Variants in COLGALT2 observed in about 807,000 individuals in gnomAD.
COLGALT2 encodes procollagen galactosyltransferase 2.
In COLGALT2, 49 loss-of-function variants were observed where a neutral mutation model predicts 73.4. The ratio of observed to expected loss-of-function variants is 0.67; its 90% CI spans 0.53 to 0.85. COLGALT2 has a LOEUF of 0.85. Ranked by LOEUF, COLGALT2 falls within the 40% of genes least tolerant of loss-of-function variation. The probability of loss-of-function intolerance (pLI) is 0.00; values close to 1 mark genes in which losing one functional copy is unlikely to be tolerated. For synonymous variants in COLGALT2, 295 were observed against 307.6 expected, an observed-to-expected ratio of 0.96 and a Z score of 0.43; for missense variants, 722 against 790.2, an observed-to-expected ratio of 0.91 and a Z score of 1.03.
chr1:183,951,444 G>C (rs898187895), intron 7 of COLGALT2, among the ~76,000 whole-genome samples: 1 of 152,066 alleles, frequency 6.6e-6, no homozygotes, highest in Non-Finnish European at 1.5e-5. Context: ...CCTATGTTTA[G>C]AAAAACCTAA....
chr1:183,976,881 A>G (rs1390589916), intron 2 of COLGALT2, among the ~76,000 whole-genome samples: 3 of 152,344 alleles, frequency 2.0e-5, no homozygotes, highest in African/African-American at 7.2e-5. Context: ...TTTCTATAGT[A>G]GGCATGATTT....
At chr1:184,019,851 C>T (rs190557297) in intron 1 of COLGALT2, among the ~76,000 whole-genome samples, 21 of 152,274 alleles carry the variant, frequency 1.4e-4, no homozygotes, top group Admixed American at 9.2e-4. Flanking sequence ...TATATTTCTG[C>T]ATATGTTTGC....
At chr1:184,005,892 C>T (rs764967641) in intron 1 of COLGALT2, among the ~76,000 whole-genome samples, 14 of 152,204 alleles carry the variant, frequency 9.2e-5, no homozygotes, top group Admixed American at 1.3e-4. Context: ...CAACAGGACC[C>T]GGTGGCAAAT....
chr1:183,989,131 A>G (rs1048581518), intron 1 of COLGALT2, among the ~76,000 whole-genome samples: 1 of 152,182 alleles, frequency 6.6e-6, no homozygotes, highest in African/African-American at 2.4e-5. Flanking sequence ...TTTCTGTTCC[A>G]ATGTAGCAGA....
At chr1:183,990,612 A>C (rs1020287982) in intron 1 of COLGALT2, among the ~76,000 whole-genome samples, 1 of 152,250 alleles carries the variant, frequency 6.6e-6, no homozygotes, top group Non-Finnish European at 1.5e-5. Context: ...GAGGCTTCTC[A>C]AAGGATCAGA....
Position 183,969,253 on chromosome 1 carries a change from C to T in COLGALT2, c.832+16G>A. 6.3e-7 allele frequency: 1 copy of T among 1,598,610 alleles called. No homozygotes were observed. Among genetic ancestry groups the T allele is most frequent in the Non-Finnish European group, 8.5e-7 (1 of 1,171,660 alleles). ...TGTGTCTCCATTGTGGCACTACAAC[C>T]AAAGACAAACAGTACCTGCTTGCCT... On this transcript the variant is annotated intron_variant, in intron 5 of 11. Transcript: ENST00000361927.
At chr1:183,934,927 C>T (rs1366409601), downstream of COLGALT2, among the ~76,000 whole-genome samples, 1 of 152,108 alleles carries the variant, frequency 6.6e-6, no homozygotes, top group African/African-American at 2.4e-5. Context: ...ATGAGACAGC[C>T]CTGAGAAGGA....
intron 9 of COLGALT2, 116 bp downstream of exon 9, chr1:183,945,316 T>G (rs145769774): frequency 8.0e-7 from 1 of 1,244,456 alleles, no homozygotes; most frequent in East Asian, 2.3e-5. Flanking sequence ...GCAGCTCTCA[T>G]GCACATTTCC....
intron 1 of COLGALT2, among the ~76,000 whole-genome samples, chr1:184,032,604 G>A (rs12133608): frequency 0.22 from 33,349 of 152,070 alleles, 3,834 homozygotes; most frequent in East Asian, 0.47. Flanking sequence ...AATGAGGAAA[G>A]GAGGAAAAAG....
downstream of COLGALT2, chr1:183,935,816 G>A: frequency 1.0e-6 from 1 of 980,960 alleles, no homozygotes; most frequent in Non-Finnish European, 1.2e-6. Context: ...GCCTGCGGAA[G>A]CAATTGACAA....
chr1:184,026,524 G>A (rs978353558), intron 1 of COLGALT2, among the ~76,000 whole-genome samples: 3 of 152,142 alleles, frequency 2.0e-5, no homozygotes, highest in African/African-American at 7.2e-5. Context: ...TTGTTGTGCA[G>A]CAGCAACAAA....
At chr1:183,949,909 T>A (rs1264869427) in intron 8 of COLGALT2, among the ~76,000 whole-genome samples, 1 of 152,212 alleles carries the variant, frequency 6.6e-6, no homozygotes, top group Admixed American at 6.5e-5. Context: ...ATGTGGTCTA[T>A]GAATGGGACT....
chr1:183,993,788 C>T (rs1303063385), intron 1 of COLGALT2, among the ~76,000 whole-genome samples: 7 of 150,950 alleles, frequency 4.6e-5, no homozygotes, highest in Admixed American at 4.0e-4. Flanking sequence ...CAGAACATGT[C>T]GCTGTTAAAA....
At chr1:184,023,159 A>C (rs1217545392) in intron 1 of COLGALT2, among the ~76,000 whole-genome samples, 1 of 152,216 alleles carries the variant, frequency 6.6e-6, no homozygotes, top group Non-Finnish European at 1.5e-5. Context: ...TGAAAAAGAA[A>C]GTTTTTGCCT....
intron 1 of COLGALT2, among the ~76,000 whole-genome samples, chr1:184,007,802 C>G (rs1672124869): frequency 6.6e-6 from 1 of 152,142 alleles, no homozygotes; most frequent in African/African-American, 2.4e-5. Context: ...AGAGCTCTAC[C>G]CTACTGTTTT....
chr1:183,945,759 G>A (rs1670233087), intron 8 of COLGALT2, 195 bp from the exon 9 acceptor site: 1 of 613,798 alleles, frequency 1.6e-6, no homozygotes, highest in East Asian at 2.8e-5. Context: ...AGACAAGAGG[G>A]TATCATATTT....
chr1:184,024,540 T>C (rs1490143827), intron 1 of COLGALT2, among the ~76,000 whole-genome samples: 1 of 151,790 alleles, frequency 6.6e-6, no homozygotes, highest in Non-Finnish European at 1.5e-5. Context: ...TTAGTAGAGA[T>C]GGGGTTTCAC....
At chr1:183,992,148 A>G (rs1671646574) in intron 1 of COLGALT2, among the ~76,000 whole-genome samples, 1 of 152,208 alleles carries the variant, frequency 6.6e-6, no homozygotes, top group Admixed American at 6.5e-5. Flanking sequence ...CCTATGATGT[A>G]GTATTCTTAC....
chr1:183,949,608 G>C (rs1163659992), intron 8 of COLGALT2, among the ~76,000 whole-genome samples: 2 of 152,118 alleles, frequency 1.3e-5, no homozygotes, highest in African/African-American at 4.8e-5. Context: ...AAATGTAATA[G>C]ATAAAACTGT....
Sources: gnomAD v4.1 joint callset for allele counts (sites outside exome capture counted in the v4.1 genomes callset) on GRCh38, gnomAD v4.1.1 for gene constraint, MANE v1.5 for transcripts, NCBI Gene and HGNC (gene_info 2026-07-23, HGNC 2026-07-21) for gene names.